RNF130: variants seen among roughly 807,000 people sequenced by gnomAD.
RNF130 encodes E3 ubiquitin-protein ligase RNF130.
Under a neutral mutation model 44.6 loss-of-function variants are expected in RNF130, and 21 were observed. That is an observed-to-expected ratio of 0.47 (90% CI 0.33 to 0.68). RNF130 has a LOEUF of 0.68. Among genes scored for constraint, RNF130 ranks in the 30% least tolerant of loss-of-function variants. The pLI is 0.02. For missense variants in RNF130, 479 were observed against 560.6 expected (o/e 0.85, Z 1.47); for synonymous variants, 214 against 210.4 (o/e 1.02, Z -0.15).
exon 8 of RNF130, chr5:179,916,983 AG>A (rs1761554903): frequency 5.9e-5 from 9 of 152,406 alleles, no homozygotes; most frequent in African/African-American, 1.9e-4. Context: ...CGAGGTCAGG[AG>A]ATCGAGACCA....
At chr5:179,921,598 G>A (rs1042010388) in intron 7 of RNF130, among the ~76,000 whole-genome samples, 1 of 152,158 alleles carries the variant, frequency 6.6e-6, no homozygotes, top group East Asian at 1.9e-4. Context: ...AGGAGTTCAA[G>A]ACCAGCTTCA....
chr5:180,005,126 T>C (rs762533079), intron 3 of RNF130, among the ~76,000 whole-genome samples: 6 of 152,094 alleles, frequency 3.9e-5, no homozygotes, highest in Admixed American at 6.6e-5. Context: ...ATCACTCCAC[T>C]GCTAAAAAAC....
At chr5:179,971,541 T>C (rs902402368) in intron 5 of RNF130, among the ~76,000 whole-genome samples, 7 of 152,144 alleles carry the variant, frequency 4.6e-5, no homozygotes, top group African/African-American at 1.7e-4. Flanking sequence ...AGCCAATTTT[T>C]TGTATTTTTA....
At chr5:179,989,828 G>A (rs1763039231) in intron 3 of RNF130, among the ~76,000 whole-genome samples, 1 of 152,092 alleles carries the variant, frequency 6.6e-6, no homozygotes, top group African/African-American at 2.4e-5. Context: ...TGGTTTCATG[G>A]AGTTCTATCA....
intron 1 of RNF130, among the ~76,000 whole-genome samples, chr5:180,061,144 CTG>C (rs1486512073): frequency 6.9e-6 from 1 of 145,300 alleles, no homozygotes; most frequent in African/African-American, 2.6e-5. Context: ...AGAGTAAAGA[CTG>C]TGGGTGACGC....
chr5:180,044,930 G>A (rs556227266), intron 1 of RNF130, among the ~76,000 whole-genome samples: 2 of 152,190 alleles, frequency 1.3e-5, no homozygotes, highest in African/African-American at 4.8e-5. Context: ...GTGCACTTAA[G>A]AGACTGAAGG....
At chr5:179,998,886 T>TATATATATATATCTATA (rs1389273465) in intron 3 of RNF130, among the ~76,000 whole-genome samples, 1 of 105,914 alleles carries the variant, frequency 9.4e-6, no homozygotes, top group Non-Finnish European at 2.1e-5. Context: ...TATATATATG[T>TATATATATATATCTATA]TTTATATATC....
rs1289277205 is a variant in RNF130, at chr5:179,998,884, TG to T, written c.693+14176del. On this transcript the variant is annotated intron_variant, in intron 3 of 8. Transcript: ENST00000521389. ...TTATATATATATATATATATATATATGTTTTATATATCTGAGTGCTCCAGTG... is the reference window on the plus strand; with the variant it reads ...TTATATATATATATATATATATATATTTTTATATATCTGAGTGCTCCAGTG... 8.1e-4 allele frequency among the ~76,000 whole-genome samples: 81 copies of T among 99,650 alleles called. 1 individual carries two copies. Among genetic ancestry groups the T allele is most frequent in the East Asian group, 1.1e-3 (4 of 3,642 alleles). The allele number at this position is 99,650 out of a possible 152,430, so 65.4% of individuals were successfully genotyped here. A position where few individuals can be genotyped will look rare whatever the true frequency, so the allele number is the denominator to read the frequency against.
At chr5:180,020,536 T>C (rs969753230) in intron 2 of RNF130, among the ~76,000 whole-genome samples, 2 of 152,204 alleles carry the variant, frequency 1.3e-5, no homozygotes, top group African/African-American at 4.8e-5. Context: ...CACTGAGTGG[T>C]AGTCACTCAC....
At chr5:179,972,178 T>C (rs772783432) in intron 5 of RNF130, among the ~76,000 whole-genome samples, 86 of 152,146 alleles carry the variant, frequency 5.7e-4, no homozygotes, top group Non-Finnish European at 9.1e-4. Flanking sequence ...AGCTGGACTT[T>C]CCAGCAGGGG....
chr5:180,014,298 C>T (rs912931060), intron 2 of RNF130, among the ~76,000 whole-genome samples: 2 of 152,160 alleles, frequency 1.3e-5, no homozygotes, highest in Non-Finnish European at 2.9e-5. Context: ...AAATAACTTC[C>T]CACTGTCTTT....
At chr5:179,957,360 C>A (rs1460770462) in intron 8 of RNF130, among the ~76,000 whole-genome samples, 4 of 151,878 alleles carry the variant, frequency 2.6e-5, no homozygotes, top group African/African-American at 7.3e-5. Context: ...TGCAGTGAGC[C>A]GAGATCCCAC....
chr5:180,050,267 G>A (rs1205036283), intron 1 of RNF130, among the ~76,000 whole-genome samples: 2 of 152,208 alleles, frequency 1.3e-5, no homozygotes, highest in Non-Finnish European at 1.5e-5. Context: ...CAGCAGAGCC[G>A]ATGGAGTTCC....
chr5:180,019,038 A>G (rs1269866713), intron 2 of RNF130, among the ~76,000 whole-genome samples: 3 of 152,228 alleles, frequency 2.0e-5, no homozygotes, highest in African/African-American at 7.2e-5. Flanking sequence ...TTATTCCTAT[A>G]TAACCTATTA....
intron 1 of RNF130, among the ~76,000 whole-genome samples, chr5:180,046,328 G>A (rs4700853): frequency 0.13 from 19,132 of 152,194 alleles, 1,362 homozygotes; most frequent in East Asian, 0.25. Context: ...AGCGTGGCCA[G>A]AGCAGACACC....
intron 6 of RNF130, among the ~76,000 whole-genome samples, chr5:179,968,520 GC>G (rs1762504015): frequency 1.3e-5 from 2 of 152,010 alleles, no homozygotes; most frequent in African/African-American, 2.4e-5. Flanking sequence ...ACAAAAATTA[GC>G]CAGGTGTGGT....
chr5:180,009,908 T>C (rs1398355929), intron 3 of RNF130, among the ~76,000 whole-genome samples: 1 of 151,912 alleles, frequency 6.6e-6, no homozygotes, highest in Non-Finnish European at 1.5e-5. Flanking sequence ...CCATGGGATA[T>C]AGTTCGGCCA....
At chr5:179,978,366 T>C in intron 4 of RNF130, 81 bp from the exon 5 acceptor site, 3 of 910,598 alleles carry the variant, frequency 3.3e-6, no homozygotes, top group South Asian at 2.7e-5. Flanking sequence ...TCAGAATCTT[T>C]CTGTGGCTAC....
intron 1 of RNF130, among the ~76,000 whole-genome samples, chr5:180,066,214 C>G (rs1209419057): frequency 6.6e-6 from 1 of 152,198 alleles, no homozygotes; most frequent in African/African-American, 2.4e-5. Flanking sequence ...TTCCCCCATA[C>G]TATTCTCGTG....
Sources: allele counts gnomAD v4.1 joint callset (sites outside exome capture counted in the v4.1 genomes callset), GRCh38; gene constraint gnomAD v4.1.1; transcripts MANE v1.5; gene names NCBI Gene and HGNC (gene_info 2026-07-23, HGNC 2026-07-21).